The following SOX9 variants were observed in gnomAD, a reference collection of about 807,000 sequenced individuals.
SOX9 encodes the protein SRY-box transcription factor 9.
A neutral mutation model predicts 44.8 loss-of-function variants in SOX9; 2 were observed. That is an observed-to-expected ratio of 0.04 (90% confidence interval 0.02 to 0.14). The LOEUF (loss-of-function observed/expected upper bound fraction) is 0.14. Ranked by LOEUF, SOX9 falls within the 10% of genes least tolerant of loss-of-function variation. SOX9 has a pLI of 1.00. For missense variants in SOX9, 583 were observed against 728.6 expected, an observed-to-expected ratio of 0.80 and a Z score of 2.30; for synonymous variants, 381 against 331.8, an observed-to-expected ratio of 1.15 and a Z score of -1.61.
chr17:72,121,712 G>A lies in SOX9; in HGVS notation c.321G>A (p.Arg107=), dbSNP rs757096269. ...GSSKNKPHVK[R]PMNAFMVWAQ... is the part of the protein sequence containing the mutation. ...GCAAGAACAAGCCGCACGTCAAGCGGCCCATGAACGCCTTCATGGTGTGGG... is the reference window on the plus strand; with the variant it reads ...GCAAGAACAAGCCGCACGTCAAGCGACCCATGAACGCCTTCATGGTGTGGG... The change falls in exon 1 of 3, where the codon CGG becomes CGA. Residue 107 remains arginine, a synonymous_variant. Coordinates refer to ENST00000245479, the MANE Select transcript of SOX9 (RefSeq NM_000346.4). The surrounding 1 kb of genome is among the most constrained non-coding windows in gnomAD (Gnocchi z 8.3). 1.8e-5 allele frequency: 29 copies of A among 1,605,370 alleles called. No individual in the cohort carries two copies. Among genetic ancestry groups the A allele is most frequent in the Non-Finnish European group, 2.2e-5 (26 of 1,176,384 alleles).
chr17:72,125,542 CAAA>C lies in SOX9; in HGVS notation c.*1162_*1164del, dbSNP rs886053360. The C allele has an allele frequency of 1.1e-5, 2 of 190,440 alleles. No homozygotes were observed. Among genetic ancestry groups the C allele is most frequent in the African/African-American group, 5.3e-5 (2 of 37,880 alleles). 11.8% of individuals were successfully genotyped at this position (190,440 alleles called of 1,614,324 possible). On this transcript the variant is annotated 3_prime_UTR_variant, in exon 3 of 3. Coordinates refer to ENST00000245479, the MANE Select transcript of SOX9 (RefSeq NM_000346.4). ...TTGTAAGGAGAGGTTTTAATTAAAA[CAAA>C]AAAAAATTCTTTTTTTTTTTTTTTT...
chr17:72,125,981 A>T lies in SOX9; in HGVS notation c.*1594A>T, dbSNP rs1908273329. ...CATATTTCTCTGCATCTTCTCTTGG[A>T]GTGAGGGAGGCTACCTGGAGGGGAT... On this transcript the variant is annotated 3_prime_UTR_variant, in exon 3 of 3. Transcript: ENST00000245479. The T allele has an allele frequency of 4.3e-6, 1 of 232,278 alleles. No individual in the cohort carries two copies. Among genetic ancestry groups the T allele is most frequent in the Non-Finnish European group, 8.5e-6 (1 of 117,568 alleles). The allele number at this position is 232,278 out of a possible 1,614,324, so 14.4% of individuals were successfully genotyped here.
At position 72,121,261 on chromosome 17, in the gene SOX9, C is replaced by A. The variant is rs975594555; in HGVS notation, c.-131C>A. The A allele has an allele frequency of 2.7e-5, 22 of 817,420 alleles. No individual in the cohort carries two copies. The highest frequency in any genetic ancestry group is 7.2e-4 in the Middle Eastern group (2 of 2,790). 50.6% of individuals were successfully genotyped at this position (817,420 alleles called of 1,614,324 possible). ...TGCTCGCCGCGGTAGCCGGCCGACGCGCCAGCTTCCCCGGGAGCCGCTTGC... is the reference window on the plus strand; with the variant it reads ...TGCTCGCCGCGGTAGCCGGCCGACGAGCCAGCTTCCCCGGGAGCCGCTTGC... On this transcript the variant is annotated 5_prime_UTR_variant, in exon 1 of 3. Transcript: ENST00000245479. The surrounding 1 kb of genome is among the most constrained non-coding windows in gnomAD (Gnocchi z 8.3).
chr17:72,126,364 C>CT lies in SOX9; in HGVS notation c.*1989dup, dbSNP rs11448561. On this transcript the variant is annotated 3_prime_UTR_variant, in exon 3 of 3. Coordinates refer to ENST00000245479, the MANE Select transcript of SOX9 (RefSeq NM_000346.4). Reference sequence around the variant, plus strand: ...AACTTACCTTTCCCTTTTTCTTTCTCTTTTTTTTTTTTGTATATTATTGTT... The same window carrying CT: ...AACTTACCTTTCCCTTTTTCTTTCTCTTTTTTTTTTTTTGTATATTATTGTT... The CT allele has an allele frequency of 0.14, 28,960 of 208,346 alleles. 3,136 individuals carry two copies. The highest frequency in any genetic ancestry group is 0.37 in the African/African-American group (15,620 of 42,504). 12.9% of individuals were successfully genotyped at this position (208,346 alleles called of 1,614,324 possible).
chr17:72,124,446 G>C lies in SOX9; in HGVS notation c.*59G>C, dbSNP rs2143259832. Reference sequence around the variant, plus strand: ...ATGATCCTAAAAATAACCGAAGAAAGAGAGGACCAACCAGAATTCCCTTTG... The same window carrying C: ...ATGATCCTAAAAATAACCGAAGAAACAGAGGACCAACCAGAATTCCCTTTG... On this transcript the variant is annotated 3_prime_UTR_variant, in exon 3 of 3. Transcript: ENST00000245479. The surrounding 1 kb of genome is among the most constrained non-coding windows in gnomAD (Gnocchi z 4.6). 1.3e-6 allele frequency: 2 copies of C among 1,575,474 alleles called. No individual in the cohort carries two copies. Among genetic ancestry groups the C allele is most frequent in the South Asian group, 2.2e-5 (2 of 90,652 alleles).
In SOX9 at chr17:72,123,661, C is replaced by A. The variant is rs1474624879; in HGVS notation, c.804C>A (p.Ile268=). 2 of 1,594,296 alleles carry A rather than the reference C, an allele frequency of 1.3e-6. 1 individual carries two copies. The highest frequency in any genetic ancestry group is 2.2e-5 in the South Asian group (2 of 90,880). Residue 268 remains isoleucine (I), a synonymous_variant, in exon 3 of 3, where the codon ATC becomes ATA. Coordinates refer to ENST00000245479, the MANE Select transcript of SOX9 (RefSeq NM_000346.4). This position sits in a 1 kb window ranked among gnomAD's most constrained non-coding sequence, Gnocchi z 6.5. The part of the protein sequence containing the change: ...PLPEGGRQPP[I]DFRDVDIGEL... ...CAGAGGGGGGCAGACAGCCCCCTAT[C>A]GACTTCCGCGACGTGGACATCGGCG...
rs1464855283 is a variant in SOX9 at position 72,125,610 on chromosome 17, C to T, written c.*1223C>T. 1 of 222,744 alleles carries T rather than the reference C, an allele frequency of 4.5e-6. No homozygotes were observed. Among genetic ancestry groups the T allele is most frequent in the Non-Finnish European group, 8.9e-6 (1 of 112,896 alleles). The allele number at this position is 222,744 out of a possible 1,614,324, so 13.8% of individuals were successfully genotyped here. The stretch of plus-strand genomic sequence containing the variant: ...TTTAAAATAGGTTGTTGGAGCTTTC[C>T]TCAAAGGGTATGGTCATCTGTTGTT... On this transcript the variant is annotated 3_prime_UTR_variant, in exon 3 of 3. Coordinates refer to ENST00000245479, the MANE Select transcript of SOX9 (RefSeq NM_000346.4).
At position 72,121,578 on chromosome 17, in the gene SOX9, G is replaced by A. The variant is rs149852681; in HGVS notation, c.187G>A (p.Glu63Lys). 6.2e-7 allele frequency: 1 copy of A among 1,607,880 alleles called. No homozygotes were observed. Among genetic ancestry groups the A allele is most frequent in the Non-Finnish European group, 8.5e-7 (1 of 1,177,492 alleles). The part of the protein sequence containing the change: ...FPKGEPDLKK[E>K]SEEDKFPVCI... ...CAAGGGCGAGCCCGATCTGAAGAAG[G>A]AGAGCGAGGAGGACAAGTTCCCCGT... The change falls in exon 1 of 3, where the codon GAG (glutamate) becomes AAG (lysine). Residue 63 changes from glutamate (E) to lysine (K), a missense_variant. This residue lies in a region of SOX9 where 101 missense variants were observed against 98.6 expected (regional missense o/e 1.02). Transcript: ENST00000245479. The surrounding 1 kb of genome is among the most constrained non-coding windows in gnomAD (Gnocchi z 8.3).
Position 72,123,041 on chromosome 17 carries a change from C to T in SOX9, c.685+69C>T. 1 of 1,579,022 alleles carries T rather than the reference C, an allele frequency of 6.3e-7. No individual in the cohort carries two copies. Among genetic ancestry groups the T allele is most frequent in the Non-Finnish European group, 8.6e-7 (1 of 1,160,584 alleles). ...GCCTGGCACACCCCCTGCCCTCCGC[C>T]TGGGAGATTCTTCGTGGGGACTTTA... On this transcript the variant is annotated intron_variant, in intron 2 of 2. Coordinates refer to ENST00000245479, the MANE Select transcript of SOX9 (RefSeq NM_000346.4). This position sits in a 1 kb window ranked among gnomAD's most constrained non-coding sequence, Gnocchi z 6.5.
At chr17:72,122,534 T>C (rs925255863) in intron 1 of SOX9, among the ~76,000 whole-genome samples, 185 bp from the exon 2 acceptor site, 1 of 151,608 alleles carries the variant, frequency 6.6e-6, no homozygotes, top group Non-Finnish European at 1.5e-5. Context: ...CAATAACTTA[T>C]TTATTTATTT....
rs1396447997 is a variant in SOX9 at position 72,123,464 on chromosome 17, T to C, written c.686-79T>C. ...ATTACACTTTAGCAGCGAGGGAGGG[T>C]CCCCGGAGGGTGCCTAAGACTAGGG... is the stretch of plus-strand genomic sequence containing the variant. On this transcript the variant is annotated intron_variant, in intron 2 of 2. Coordinates refer to ENST00000245479, the MANE Select transcript of SOX9 (RefSeq NM_000346.4). The surrounding 1 kb of genome is among the most constrained non-coding windows in gnomAD (Gnocchi z 6.5). 2 of 1,590,034 alleles carry C rather than the reference T, an allele frequency of 1.3e-6. No homozygotes were observed. Among genetic ancestry groups the C allele is most frequent in the Non-Finnish European group, 1.7e-6 (2 of 1,160,284 alleles).
chr17:72,123,086 A>G lies in SOX9; in HGVS notation c.685+114A>G. On this transcript the variant is annotated intron_variant, in intron 2 of 2. Coordinates refer to ENST00000245479, the MANE Select transcript of SOX9 (RefSeq NM_000346.4). This position sits in a 1 kb window ranked among gnomAD's most constrained non-coding sequence, Gnocchi z 6.5. ...ACTTTATGCTTCCCGGGAGGGACACACTGCCCTTTGCGCCCGTCCCGCTCC... is the reference window on the plus strand; with the variant it reads ...ACTTTATGCTTCCCGGGAGGGACACGCTGCCCTTTGCGCCCGTCCCGCTCC... 3 of 1,370,504 alleles carry G rather than the reference A, an allele frequency of 2.2e-6. No individual in the cohort carries two copies. The highest frequency in any genetic ancestry group is 3.0e-6 in the Non-Finnish European group (3 of 990,962). The allele number at this position is 1,370,504 out of a possible 1,614,324, so 84.9% of individuals were successfully genotyped here. A position where few individuals can be genotyped will look rare whatever the true frequency, so the allele number is the denominator to read the frequency against.
chr17:72,123,041 C>G lies in SOX9; in HGVS notation c.685+69C>G, dbSNP rs2143248112. The G allele has an allele frequency of 6.3e-7, 1 of 1,579,022 alleles. No individual in the cohort carries two copies. Among genetic ancestry groups the G allele is most frequent in the Non-Finnish European group, 8.6e-7 (1 of 1,160,584 alleles). ...GCCTGGCACACCCCCTGCCCTCCGC[C>G]TGGGAGATTCTTCGTGGGGACTTTA... On this transcript the variant is annotated intron_variant, in intron 2 of 2. Transcript: ENST00000245479. The surrounding 1 kb of genome is among the most constrained non-coding windows in gnomAD (Gnocchi z 6.5).
Position 72,123,420 on chromosome 17 carries a change from T to G in SOX9, c.686-123T>G, listed in dbSNP as rs568684959. 33 of 1,364,084 alleles carry G rather than the reference T, an allele frequency of 2.4e-5. No homozygotes were observed. The African/African-American group carries it at 3.7e-4, about 15-fold the overall frequency. The allele number at this position is 1,364,084 out of a possible 1,614,324, so 84.5% of individuals were successfully genotyped here. ...CTTATCTCCGGTGCAGCGCGCCTCT[T>G]GCGCGGGTGCGGGCCCTTATTACAC... On this transcript the variant is annotated intron_variant, in intron 2 of 2. Transcript: ENST00000245479. This position sits in a 1 kb window ranked among gnomAD's most constrained non-coding sequence, Gnocchi z 6.5.
chr17:72,121,301 G>A lies in SOX9; in HGVS notation c.-91G>A. The A allele has an allele frequency of 1.6e-6, 2 of 1,216,788 alleles. No homozygotes were observed. Among genetic ancestry groups the A allele is most frequent in the Non-Finnish European group, 2.4e-6 (2 of 837,372 alleles). 75.4% of individuals were successfully genotyped at this position (1,216,788 alleles called of 1,614,324 possible). A position where few individuals can be genotyped will look rare whatever the true frequency, so the allele number is the denominator to read the frequency against. ...GAGCCGCTTGCTCCGCATCCGGGCAGCCGAGGGGAGAGGAGCCCGCGCCTC... is the reference window on the plus strand; with the variant it reads ...GAGCCGCTTGCTCCGCATCCGGGCAACCGAGGGGAGAGGAGCCCGCGCCTC... On this transcript the variant is annotated 5_prime_UTR_variant, in exon 1 of 3. Coordinates refer to ENST00000245479, the MANE Select transcript of SOX9 (RefSeq NM_000346.4). This position sits in a 1 kb window ranked among gnomAD's most constrained non-coding sequence, Gnocchi z 8.3.
Position 72,121,361 on chromosome 17 carries a change from C to G in SOX9, c.-31C>G, listed in dbSNP as rs764365102. On this transcript the variant is annotated 5_prime_UTR_variant, in exon 1 of 3. Coordinates refer to ENST00000245479, the MANE Select transcript of SOX9 (RefSeq NM_000346.4). The surrounding 1 kb of genome is among the most constrained non-coding windows in gnomAD (Gnocchi z 8.3). ...AGCCGCCGCGGCTTCTCGCCTTTCC[C>G]GGCCACCAGCCCCCTGCCCCGGGCC... 2.5e-5 allele frequency: 40 copies of G among 1,603,342 alleles called. No individual in the cohort carries two copies. The highest frequency in any genetic ancestry group is 2.9e-5 in the Non-Finnish European group (34 of 1,172,754).
At position 72,121,533 on chromosome 17, in the gene SOX9, C is replaced by G. The variant is rs754474934; in HGVS notation, c.142C>G (p.Pro48Ala). The G allele has an allele frequency of 6.2e-7, 1 of 1,608,744 alleles. No individual in the cohort carries two copies. Among genetic ancestry groups the G allele is most frequent in the Non-Finnish European group, 8.5e-7 (1 of 1,178,192 alleles). ...CGGCTCGGACACCGAGAACACGCGGCCCCAGGAGAACACGTTCCCCAAGGG... is the reference window on the plus strand; with the variant it reads ...CGGCTCGGACACCGAGAACACGCGGGCCCAGGAGAACACGTTCCCCAAGGG... ...GSGSDTENTR[P>A]QENTFPKGEP... The change falls in exon 1 of 3, where the codon CCC becomes GCC. Residue 48 changes from proline (P) to alanine (A), a missense_variant. Around this residue, in one of 7 missense-constraint regions of SOX9, gnomAD observed 101 missense variants for 98.6 expected, o/e 1.02. Transcript: ENST00000245479. The surrounding 1 kb of genome is among the most constrained non-coding windows in gnomAD (Gnocchi z 8.3).
In SOX9 at chr17:72,124,749, C is replaced by A; in HGVS notation, c.*362C>A. ...GTGATCAGTGTGCTAAATCTCTCTGCCTGTTTGGACTTTGTAATTATTTTT... is the reference window on the plus strand; with the variant it reads ...GTGATCAGTGTGCTAAATCTCTCTGACTGTTTGGACTTTGTAATTATTTTT... On this transcript the variant is annotated 3_prime_UTR_variant, in exon 3 of 3. Coordinates refer to ENST00000245479, the MANE Select transcript of SOX9 (RefSeq NM_000346.4). The surrounding 1 kb of genome is among the most constrained non-coding windows in gnomAD (Gnocchi z 4.6). The A allele has an allele frequency of 2.4e-6, 1 of 411,826 alleles. No homozygotes were observed. Among genetic ancestry groups the A allele is most frequent in the Non-Finnish European group, 4.4e-6 (1 of 224,888 alleles). The allele number at this position is 411,826 out of a possible 1,614,324, so 25.5% of individuals were successfully genotyped here.
rs1019580760 is a variant in SOX9 at position 72,121,455 on chromosome 17, C to T, written c.64C>T (p.Pro22Ser). 6.2e-6 allele frequency: 10 copies of T among 1,612,942 alleles called. No homozygotes were observed. In the Middle Eastern group the frequency reaches 4.9e-4, roughly 80 times the overall value. ...GCAGGAGAAGGGCCTGTCCGGCGCCCCCAGCCCCACCATGTCCGAGGACTC... is the reference window on the plus strand; with the variant it reads ...GCAGGAGAAGGGCCTGTCCGGCGCCTCCAGCCCCACCATGTCCGAGGACTC... Reference protein sequence around the residue: ...DEQEKGLSGAPSPTMSEDSAG... With the variant: ...DEQEKGLSGASSPTMSEDSAG... The change falls in exon 1 of 3, where the codon CCC (proline) becomes TCC (serine). Residue 22 changes from proline (P) to serine (S), a missense_variant. Pro to Ser is a moderately conservative substitution (Grantham distance 74, BLOSUM62 -1). This residue lies in a region of SOX9 where 101 missense variants were observed against 98.6 expected (regional missense o/e 1.02). Transcript: ENST00000245479. The surrounding 1 kb of genome is among the most constrained non-coding windows in gnomAD (Gnocchi z 8.3).
Sources: gnomAD v4.1 joint callset for allele counts (sites outside exome capture counted in the v4.1 genomes callset) on GRCh38, gnomAD v4.1.1 for gene constraint, gnomAD v4.1.1 regional missense constraint, Gnocchi (gnomAD v3.1) non-coding constraint, MANE v1.5 for transcripts, NCBI Gene and HGNC (gene_info 2026-07-23, HGNC 2026-07-21) for gene names.